SLC9A9: variants seen among roughly 807,000 people sequenced by gnomAD.
SLC9A9 encodes sodium/hydrogen exchanger 9.
A neutral mutation model predicts 77.8 loss-of-function variants in SLC9A9; 62 were observed. The ratio of observed to expected loss-of-function variants is 0.80; its 90% confidence interval spans 0.65 to 0.98. SLC9A9 has a LOEUF of 0.98. Ranked by LOEUF, SLC9A9 falls within the 50% of genes least tolerant of loss-of-function variation. SLC9A9 has a pLI of 0.00. For synonymous variants in SLC9A9, 320 were observed against 283.5 expected, an observed-to-expected ratio of 1.13 and a Z score of -1.29; for missense variants, 775 against 774.9, an observed-to-expected ratio of 1.00 and a Z score of 0.00.
intron 5 of SLC9A9, among the ~76,000 whole-genome samples, chr3:143,653,137 TC>T (rs932793550): frequency 2.0e-5 from 3 of 152,190 alleles, no homozygotes; most frequent in Admixed American, 2.0e-4. Context: ...TCTCATTCTG[TC>T]CTGAGATCAC....
chr3:143,718,079 T>A, intron 4 of SLC9A9, among the ~76,000 whole-genome samples: 1 of 135,154 alleles, frequency 7.4e-6, no homozygotes. Flanking sequence ...ATAGGTAATG[T>A]GGAGTTAAAC....
intron 14 of SLC9A9, among the ~76,000 whole-genome samples, chr3:143,337,825 C>G (rs749815033): frequency 6.6e-6 from 1 of 152,172 alleles, no homozygotes; most frequent in Non-Finnish European, 1.5e-5. Flanking sequence ...TGCCCAGATC[C>G]CTTTCTTCCT....
At chr3:143,483,913 A>G (rs996229383) in intron 11 of SLC9A9, among the ~76,000 whole-genome samples, 2 of 146,830 alleles carry the variant, frequency 1.4e-5, no homozygotes, top group Non-Finnish European at 3.1e-5. Context: ...CAGGGCCCTC[A>G]TCTTTGTCTT....
intron 5 of SLC9A9, among the ~76,000 whole-genome samples, chr3:143,654,945 C>T (rs1326782931): frequency 6.6e-6 from 1 of 152,204 alleles, no homozygotes; most frequent in East Asian, 1.9e-4. Context: ...TCCCACAATT[C>T]CTTTTGAACA....
At chr3:143,382,743 C>A (rs768151002) in intron 12 of SLC9A9, among the ~76,000 whole-genome samples, 11 of 152,134 alleles carry the variant, frequency 7.2e-5, no homozygotes, top group Non-Finnish European at 1.5e-4. Context: ...CCTCTCAAAG[C>A]CCAGGAAAAA....
intron 14 of SLC9A9, among the ~76,000 whole-genome samples, chr3:143,329,165 C>G (rs757257254): frequency 9.2e-5 from 14 of 152,332 alleles, no homozygotes; most frequent in Middle Eastern, 6.8e-3. Flanking sequence ...ACAATAAATC[C>G]TGTATATTGC....
chr3:143,551,077 G>C (rs1215954151), intron 9 of SLC9A9, among the ~76,000 whole-genome samples: 1 of 152,162 alleles, frequency 6.6e-6, no homozygotes, highest in African/African-American at 2.4e-5. Flanking sequence ...ACAAAAAGAG[G>C]AAATTTGGTG....
chr3:143,338,128 G>A (rs1280190153), intron 14 of SLC9A9, among the ~76,000 whole-genome samples: 1 of 152,112 alleles, frequency 6.6e-6, no homozygotes, highest in Admixed American at 6.5e-5. Flanking sequence ...TGAAAAACTG[G>A]CTCCGTTATC....
chr3:143,610,202 G>A (rs139919098), intron 6 of SLC9A9, among the ~76,000 whole-genome samples: 1 of 152,030 alleles, frequency 6.6e-6, no homozygotes, highest in East Asian at 1.9e-4. Flanking sequence ...AGCCTGGAGT[G>A]CAGTGAGGCA....
intron 6 of SLC9A9, among the ~76,000 whole-genome samples, chr3:143,642,863 T>G (rs1486713103): frequency 1.3e-5 from 2 of 152,226 alleles, no homozygotes; most frequent in Non-Finnish European, 2.9e-5. Context: ...ACTTTTCATT[T>G]TGAAAAGTTC....
At chr3:143,713,453 G>A (rs1934249814) in intron 4 of SLC9A9, among the ~76,000 whole-genome samples, 1 of 152,112 alleles carries the variant, frequency 6.6e-6, no homozygotes, top group African/African-American at 2.4e-5. Flanking sequence ...TGGTCATAAG[G>A]AAGAAAGAAA....
chr3:143,597,388 G>A (rs747320844), intron 6 of SLC9A9, among the ~76,000 whole-genome samples: 32 of 152,174 alleles, frequency 2.1e-4, no homozygotes, highest in Non-Finnish European at 3.4e-4. Flanking sequence ...ACAGGAGGGG[G>A]CCAAAACACA....
Position 143,492,328 on chromosome 3 carries a change from A to G in SLC9A9, c.1315+1325T>C, listed in dbSNP as rs190593806. On this transcript the variant is annotated intron_variant, in intron 11 of 15. Coordinates refer to ENST00000316549, the MANE Select transcript of SLC9A9 (RefSeq NM_173653.4). ...AAAAAAAAAATCACCTACCACTCCA[A>G]CTTCTCACCTTCCTTATGACTCTCT... Among the ~76,000 whole-genome samples the G allele has an allele frequency of 2.4e-3, 368 of 151,708 alleles. 1 individual carries two copies. Among genetic ancestry groups the G allele is most frequent in the African/African-American group, 8.4e-3 (346 of 41,386 alleles).
At chr3:143,583,352 A>G (rs981487626) in intron 6 of SLC9A9, among the ~76,000 whole-genome samples, 5 of 152,216 alleles carry the variant, frequency 3.3e-5, no homozygotes, top group African/African-American at 1.2e-4. Flanking sequence ...GAAGTATCCT[A>G]AATTCTTTGA....
chr3:143,370,788 C>T (rs568388446), intron 13 of SLC9A9, among the ~76,000 whole-genome samples: 26 of 152,092 alleles, frequency 1.7e-4, no homozygotes, highest in Admixed American at 7.2e-4. Flanking sequence ...ACTTCATCAT[C>T]GCTTTCACAA....
chr3:143,348,255 A>G (rs542288502), intron 14 of SLC9A9, among the ~76,000 whole-genome samples: 42 of 152,342 alleles, frequency 2.8e-4, no homozygotes, highest in African/African-American at 9.9e-4. Context: ...TTGGCCTCCC[A>G]AAGTGCTGGG....
At chr3:143,691,791 G>A (rs1338435952) in intron 5 of SLC9A9, among the ~76,000 whole-genome samples, 1 of 151,984 alleles carries the variant, frequency 6.6e-6, no homozygotes, top group Non-Finnish European at 1.5e-5. Flanking sequence ...AACATAAACC[G>A]AAGTCCTATA....
In SLC9A9 at chr3:143,438,678, A is replaced by C. The variant is rs1335933807; in HGVS notation, c.1469+28359T>G. On this transcript the variant is annotated intron_variant, in intron 12 of 15. Coordinates refer to ENST00000316549, the MANE Select transcript of SLC9A9 (RefSeq NM_173653.4). ...AAGCTCTCAGTCTGGAAAGACCCAC[A>C]GGGTATGGGGCTCTCTGCTCCATCC... Among the ~76,000 whole-genome samples, 7 of 152,290 alleles carry C rather than the reference A, an allele frequency of 4.6e-5. No homozygotes were observed. In the East Asian group the frequency reaches 1.3e-3, roughly 29 times the overall value.
chr3:143,779,103 G>C (rs772948691), intron 4 of SLC9A9, among the ~76,000 whole-genome samples: 4 of 152,228 alleles, frequency 2.6e-5, no homozygotes, highest in South Asian at 2.1e-4. Flanking sequence ...CTGGATTAAT[G>C]GGCAATTGAA....
Sources: gnomAD v4.1 joint callset for allele counts (sites outside exome capture counted in the v4.1 genomes callset) on GRCh38, gnomAD v4.1.1 for gene constraint, MANE v1.5 for transcripts, NCBI Gene and HGNC (gene_info 2026-07-23, HGNC 2026-07-21) for gene names.